EIF3H: variants seen among roughly 807,000 people sequenced by gnomAD.
The protein encoded by EIF3H is eukaryotic translation initiation factor 3 subunit H.
In EIF3H, 26 loss-of-function variants were observed where a neutral mutation model predicts 44.2. The ratio of observed to expected loss-of-function variants is 0.59; its 90% CI spans 0.43 to 0.82. The LOEUF is 0.82. Among genes scored for constraint, EIF3H ranks in the 40% least tolerant of loss-of-function variants. The pLI is 0.00. For synonymous variants in EIF3H, 166 were observed against 151.9 expected (o/e 1.09, Z -0.68); for missense variants, 359 against 432.8 (o/e 0.83, Z 1.51).
intron 4 of EIF3H, among the ~76,000 whole-genome samples, 164 bp downstream of exon 4, chr8:116,657,051 A>G (rs1279085506): frequency 1.3e-5 from 2 of 152,154 alleles, no homozygotes; most frequent in African/African-American, 4.8e-5. Context: ...AATAATTTAA[A>G]CATGGAAAGG....
chr8:116,695,225 G>A (rs994342517), intron 2 of EIF3H, among the ~76,000 whole-genome samples: 1 of 151,818 alleles, frequency 6.6e-6, no homozygotes, highest in Non-Finnish European at 1.5e-5. Context: ...GCCCCATCAC[G>A]CCCGGCTAAT....
intron 2 of EIF3H, among the ~76,000 whole-genome samples, chr8:116,677,168 T>C (rs1200863892): frequency 2.0e-5 from 3 of 152,184 alleles, no homozygotes; most frequent in Admixed American, 2.0e-4. Flanking sequence ...GAACTGAAAT[T>C]ATATAGCTAA....
At position 116,748,018 on chromosome 8, in the gene EIF3H, C is replaced by T. The variant is rs547122254; in HGVS notation, c.132+7648G>A. ...CCCAGCTACTTGGGAGGCTGAGACA[C>T]GAGAATCGCTTGAACCTGGGAGGCG... On this transcript the variant is annotated intron_variant, in intron 1 of 7. Coordinates refer to ENST00000521861, the MANE Select transcript of EIF3H (RefSeq NM_003756.3). 1.4e-3 allele frequency among the ~76,000 whole-genome samples: 219 copies of T among 152,026 alleles called. 1 individual carries two copies. Among genetic ancestry groups the T allele is most frequent in the African/African-American group, 5.0e-3 (208 of 41,488 alleles).
At chr8:116,741,095 A>AT (rs1019337727) in intron 1 of EIF3H, among the ~76,000 whole-genome samples, 8 of 151,798 alleles carry the variant, frequency 5.3e-5, no homozygotes, top group African/African-American at 1.7e-4. Context: ...TTCTTTTTTA[A>AT]TTTTTTCTAT....
intron 1 of EIF3H, among the ~76,000 whole-genome samples, chr8:116,752,099 TG>T (rs1340002097): frequency 6.6e-6 from 1 of 152,202 alleles, no homozygotes; most frequent in African/African-American, 2.4e-5. Flanking sequence ...AGTGATTGAC[TG>T]GGGTCACACA....
chr8:116,655,929 T>C lies in EIF3H; in HGVS notation c.634A>G (p.Asn212Asp), dbSNP rs777674913. 2.5e-6 allele frequency: 4 copies of C among 1,613,622 alleles called. No homozygotes were observed. The highest frequency in any genetic ancestry group is 4.5e-5 in the East Asian group (2 of 44,866). The change falls in exon 5 of 8, where the codon AAT becomes GAT. Residue 212 changes from asparagine (N) to aspartate (D), a missense_variant. Transcript: ENST00000521861. Reference protein sequence around the residue: ...PIVIKNSHLINVLMWELEKKS... With the variant: ...PIVIKNSHLIDVLMWELEKKS... ...TTTTCAAGTTCCCACATTAGGACAT[T>C]GATCAGATGTGAATTTTTAATTACA...
intron 2 of EIF3H, among the ~76,000 whole-genome samples, chr8:116,704,895 T>C (rs553580659): frequency 7.8e-4 from 119 of 152,206 alleles, no homozygotes; most frequent in African/African-American, 2.8e-3. Flanking sequence ...AGCTCTCACG[T>C]TGACAGTGTA....
intron 2 of EIF3H, among the ~76,000 whole-genome samples, chr8:116,663,794 G>A (rs1353738870): frequency 1.3e-5 from 2 of 151,986 alleles, no homozygotes; most frequent in Non-Finnish European, 2.9e-5. Flanking sequence ...AGCCAGGCGT[G>A]GTGGCAGGCG....
intron 2 of EIF3H, among the ~76,000 whole-genome samples, chr8:116,722,350 C>A (rs75128197): frequency 0.03 from 4,615 of 152,252 alleles, 89 homozygotes; most frequent in South Asian, 0.07. Context: ...AAACCTTTTT[C>A]TTTGTAAGTT....
intron 1 of EIF3H, among the ~76,000 whole-genome samples, chr8:116,762,671 C>T (rs886629040): frequency 2.0e-5 from 3 of 152,174 alleles, no homozygotes; most frequent in Non-Finnish European, 4.4e-5. Flanking sequence ...CTGTGGCTCA[C>T]GCCTGTAATC....
At chr8:116,720,147 C>T (rs1278725603) in intron 2 of EIF3H, among the ~76,000 whole-genome samples, 1 of 152,178 alleles carries the variant, frequency 6.6e-6, no homozygotes, top group African/African-American at 2.4e-5. Flanking sequence ...ACACAGAATA[C>T]AATGCCTATT....
intron 2 of EIF3H, among the ~76,000 whole-genome samples, chr8:116,667,763 A>G (rs898068506): frequency 6.6e-6 from 1 of 152,200 alleles, no homozygotes; most frequent in African/African-American, 2.4e-5. Flanking sequence ...TTGCACTAGG[A>G]GCCTGATAAT....
rs2130761158 is a variant in EIF3H, at chr8:116,642,197, T to C, written c.*2809A>G. On this transcript the variant is annotated 3_prime_UTR_variant, in exon 8 of 8. Coordinates refer to ENST00000521861, the MANE Select transcript of EIF3H (RefSeq NM_003756.3). Reference sequence around the variant, plus strand: ...AAAATAAAAAATTATTTCATAACATTCTGATACCACTACACCTGAGTTCGA... The same window carrying C: ...AAAATAAAAAATTATTTCATAACATCCTGATACCACTACACCTGAGTTCGA... The C allele has an allele frequency of 6.6e-6, 1 of 151,870 alleles. No individual in the cohort carries two copies. The highest frequency in any genetic ancestry group is 1.9e-4 in the East Asian group (1 of 5,192). The allele number at this position is 151,870 out of a possible 1,614,324, so 9.4% of individuals were successfully genotyped here. A position where few individuals can be genotyped will look rare whatever the true frequency, so the allele number is the denominator to read the frequency against.
chr8:116,708,274 T>C (rs987130193), intron 2 of EIF3H, among the ~76,000 whole-genome samples: 3 of 152,042 alleles, frequency 2.0e-5, no homozygotes, highest in African/African-American at 4.8e-5. Flanking sequence ...AAGCAACTTA[T>C]TGTAAATTTT....
chr8:116,752,712 GAAAGAAAGAAA>G (rs1815366043), intron 1 of EIF3H, among the ~76,000 whole-genome samples: 1 of 128,144 alleles, frequency 7.8e-6, no homozygotes, highest in Non-Finnish European at 1.6e-5. Context: ...AAGAAAGAAA[GAAAGAAAGAAA>G]GAAAGAAAGA....
chr8:116,663,728 C>T (rs571332986), intron 2 of EIF3H, among the ~76,000 whole-genome samples: 71 of 152,056 alleles, frequency 4.7e-4, no homozygotes, highest in Non-Finnish European at 9.0e-4. Flanking sequence ...GTCAGGAGTT[C>T]GAAACCAGCC....
chr8:116,743,799 A>ATATATATATATATATATATATATAT (rs1563659950), intron 1 of EIF3H, among the ~76,000 whole-genome samples: 1 of 87,062 alleles, frequency 1.1e-5, no homozygotes, highest in Non-Finnish European at 2.4e-5. Context: ...TATATATATA[A>ATATATATATATATATATATATATAT]ACACACACAC....
intron 1 of EIF3H, chr8:116,737,381 C>G (rs115032655): frequency 2.0e-5 from 8 of 405,252 alleles, no homozygotes; most frequent in Non-Finnish European, 2.9e-5. Context: ...TAGGGCTGGG[C>G]GCAGTGGCTT....
At chr8:116,670,576 G>A (rs1483841075) in intron 2 of EIF3H, among the ~76,000 whole-genome samples, 1 of 152,180 alleles carries the variant, frequency 6.6e-6, no homozygotes, top group Non-Finnish European at 1.5e-5. Context: ...CCAGGGTGGA[G>A]AAAGAGAAAA....
Sources: allele counts gnomAD v4.1 joint callset (sites outside exome capture counted in the v4.1 genomes callset), GRCh38; gene constraint gnomAD v4.1.1; transcripts MANE v1.5; gene names NCBI Gene and HGNC (gene_info 2026-07-23, HGNC 2026-07-21).